Variants in ADK observed in about 807,000 individuals in gnomAD.
ADK encodes the protein N6,N6-dimethyladenosine kinase.
ADK carries 24 observed loss-of-function variants against 44.7 expected under a neutral mutation model. The ratio of observed to expected loss-of-function variants is 0.54; its 90% CI spans 0.39 to 0.76. The LOEUF is 0.76. Among genes scored for constraint, ADK ranks in the 30% least tolerant of loss-of-function variants. ADK has a pLI of 0.00. For missense variants in ADK, 321 were observed against 425.1 expected (o/e 0.76, Z 2.15); for synonymous variants, 128 against 142.6 (o/e 0.90, Z 0.73).
chr10:74,670,318 C>A (rs1855123249), intron 10 of ADK, 49 bp downstream of exon 10: 1 of 1,427,264 alleles, frequency 7.0e-7, no homozygotes, highest in Non-Finnish European at 9.9e-7. Flanking sequence ...ACATTTTAAC[C>A]CTTGTTTCTA....
At chr10:74,325,670 T>C (rs1215881539) in intron 4 of ADK, among the ~76,000 whole-genome samples, 2 of 152,232 alleles carry the variant, frequency 1.3e-5, no homozygotes, top group Admixed American at 6.5e-5. Flanking sequence ...ACCCAATTTG[T>C]TGATAATTTC....
chr10:74,664,791 A>G (rs1318662469), intron 9 of ADK, among the ~76,000 whole-genome samples: 2 of 152,188 alleles, frequency 1.3e-5, no homozygotes, highest in Non-Finnish European at 2.9e-5. Flanking sequence ...GCAGTGAGCC[A>G]GGATCGCACC....
chr10:74,347,106 CAAAAAAAAAAAAA>C (rs58074760), intron 4 of ADK, among the ~76,000 whole-genome samples: 28 of 92,292 alleles, frequency 3.0e-4, no homozygotes, highest in East Asian at 4.6e-4. Flanking sequence ...CACTCTGTCT[CAAAAAAAAAAAAA>C]AAAAAAAAAA....
intron 1 of ADK, among the ~76,000 whole-genome samples, chr10:74,168,705 C>T (rs181681902): frequency 0.013 from 2,039 of 151,166 alleles, 51 homozygotes; most frequent in African/African-American, 0.046. Flanking sequence ...CTCCACCTCC[C>T]GGGTTCAAGC....
intron 6 of ADK, among the ~76,000 whole-genome samples, chr10:74,429,919 T>C (rs1034122110): frequency 5.9e-5 from 9 of 152,326 alleles, no homozygotes; most frequent in Non-Finnish European, 1.0e-4. Flanking sequence ...TTATTAACAA[T>C]AGTAGCTAAT....
intron 7 of ADK, among the ~76,000 whole-genome samples, chr10:74,567,158 A>T (rs1694177894): frequency 1.3e-5 from 2 of 152,206 alleles, no homozygotes; most frequent in Admixed American, 1.3e-4. Flanking sequence ...TCATTATTTT[A>T]TGAAACATGG....
intron 1 of ADK, among the ~76,000 whole-genome samples, chr10:74,190,910 G>C (rs1328440887): frequency 1.3e-5 from 2 of 151,222 alleles, no homozygotes; most frequent in Non-Finnish European, 2.9e-5. Flanking sequence ...ATCTTTTTTT[G>C]AATAAATGCT....
chr10:74,579,156 C>G (rs1851294541), intron 7 of ADK, among the ~76,000 whole-genome samples: 1 of 151,642 alleles, frequency 6.6e-6, no homozygotes, highest in South Asian at 2.1e-4. Flanking sequence ...ATCGCTTGAA[C>G]CGGGGAGGCA....
chr10:74,606,341 G>A (rs963059741), intron 9 of ADK, among the ~76,000 whole-genome samples: 9 of 152,054 alleles, frequency 5.9e-5, no homozygotes, highest in Admixed American at 3.3e-4. Flanking sequence ...TTAGGATGTC[G>A]ATTTTAGATC....
intron 4 of ADK, among the ~76,000 whole-genome samples, chr10:74,334,813 G>A (rs973435920): frequency 6.6e-6 from 1 of 152,046 alleles, no homozygotes; most frequent in African/African-American, 2.4e-5. Context: ...AGCTTTTATA[G>A]TCTCTGAGGG....
intron 9 of ADK, among the ~76,000 whole-genome samples, chr10:74,662,345 A>G (rs546189111): frequency 5.3e-5 from 8 of 152,270 alleles, no homozygotes; most frequent in East Asian, 1.9e-4. Flanking sequence ...CAGTGGCACA[A>G]TCATAGCTCA....
At chr10:74,538,319 G>C (rs1480643661) in intron 7 of ADK, among the ~76,000 whole-genome samples, 11 of 151,692 alleles carry the variant, frequency 7.3e-5, no homozygotes, top group African/African-American at 2.7e-4. Flanking sequence ...CAGTGTTCCT[G>C]CATTGCAAAT....
chr10:74,192,606 A>G (rs939473676), intron 1 of ADK, among the ~76,000 whole-genome samples: 3 of 151,308 alleles, frequency 2.0e-5, no homozygotes, highest in African/African-American at 7.3e-5. Context: ...ATCATTGCAC[A>G]CTACAGTCCT....
At position 74,488,670 on chromosome 10, in the gene ADK, A is replaced by T. The variant is rs182994550; in HGVS notation, c.556-36586A>T. The stretch of plus-strand genomic sequence containing the variant: ...TCTAAATTTCAGATGTCAGAAATGG[A>T]GACATCTAAATTGTTTTTCCATTTC... On this transcript the variant is annotated intron_variant, in intron 6 of 10. Transcript: ENST00000539909. 2.6e-5 allele frequency among the ~76,000 whole-genome samples: 4 copies of T among 151,474 alleles called. No individual in the cohort carries two copies. In the East Asian group the frequency reaches 7.7e-4, roughly 29 times the overall value.
intron 7 of ADK, among the ~76,000 whole-genome samples, chr10:74,530,720 G>T (rs1436072832): frequency 1.3e-5 from 2 of 152,154 alleles, no homozygotes; most frequent in Admixed American, 6.5e-5. Context: ...GAGGTCAGGA[G>T]TTCAAGACCA....
At chr10:74,479,888 C>A (rs1242337219) in intron 6 of ADK, among the ~76,000 whole-genome samples, 1 of 152,052 alleles carries the variant, frequency 6.6e-6, no homozygotes, top group African/African-American at 2.4e-5. Context: ...ATATGCAGTG[C>A]TTACAAACTA....
intron 4 of ADK, among the ~76,000 whole-genome samples, chr10:74,383,620 T>A (rs1444604304): frequency 1.3e-5 from 2 of 152,194 alleles, no homozygotes; most frequent in African/African-American, 4.8e-5. Flanking sequence ...CTAAGTTTTA[T>A]GTAACATAGA....
chr10:74,637,741 A>G (rs1393908855), intron 9 of ADK, among the ~76,000 whole-genome samples: 1 of 152,246 alleles, frequency 6.6e-6, no homozygotes, highest in Non-Finnish European at 1.5e-5. Context: ...TCACTAAAAG[A>G]TAATTGATTA....
At chr10:74,598,226 G>A (rs1851989274) in intron 8 of ADK, among the ~76,000 whole-genome samples, 1 of 152,128 alleles carries the variant, frequency 6.6e-6, no homozygotes, top group African/African-American at 2.4e-5. Context: ...ATTGGGGACA[G>A]AGGAGAGGAA....
Sources: gnomAD v4.1 joint callset for allele counts (sites outside exome capture counted in the v4.1 genomes callset) on GRCh38, gnomAD v4.1.1 for gene constraint, MANE v1.5 for transcripts, NCBI Gene and HGNC (gene_info 2026-07-23, HGNC 2026-07-21) for gene names.